STXBP6: variants seen among roughly 807,000 people sequenced by gnomAD.
STXBP6 encodes the protein syntaxin binding protein 6.
STXBP6 carries 21 observed loss-of-function variants against 26.9 expected under a neutral mutation model. The observed-to-expected ratio is 0.78, with a 90% CI of 0.55 to 1.12. The LOEUF (loss-of-function observed/expected upper bound fraction) is 1.12. Among genes scored for constraint, STXBP6 ranks in the 50% most tolerant of loss-of-function variants. STXBP6 has a pLI of 0.00. For synonymous variants in STXBP6, 97 were observed against 92.6 expected, an observed-to-expected ratio of 1.05 and a Z score of -0.27; for missense variants, 232 against 257.9, an observed-to-expected ratio of 0.90 and a Z score of 0.69.
At chr14:24,868,290 A>G (rs2139305691) in intron 2 of STXBP6, among the ~76,000 whole-genome samples, 1 of 152,296 alleles carries the variant, frequency 6.6e-6, no homozygotes. Context: ...AATAAGCAAA[A>G]GATTTAACAC....
At chr14:24,944,157 T>A (rs941688183) in intron 2 of STXBP6, among the ~76,000 whole-genome samples, 1 of 152,082 alleles carries the variant, frequency 6.6e-6, no homozygotes, top group African/African-American at 2.4e-5. Flanking sequence ...GAAAACAGGT[T>A]GACAATTCAT....
chr14:24,893,887 T>G (rs2070879884), intron 2 of STXBP6, among the ~76,000 whole-genome samples: 1 of 152,188 alleles, frequency 6.6e-6, no homozygotes, highest in Admixed American at 6.5e-5. Context: ...ATTCCTCTTT[T>G]GGGTTAGTGG....
chr14:24,915,483 G>C (rs913805596), intron 2 of STXBP6, among the ~76,000 whole-genome samples: 1 of 152,040 alleles, frequency 6.6e-6, no homozygotes, highest in Non-Finnish European at 1.5e-5. Context: ...ATAAGATACT[G>C]GTTCTTACTT....
intron 4 of STXBP6, among the ~76,000 whole-genome samples, chr14:24,823,765 T>C (rs974417616): frequency 2.0e-5 from 3 of 152,148 alleles, no homozygotes; most frequent in Admixed American, 6.5e-5. Context: ...ACCCCACTTA[T>C]CTAAACTAAC....
At chr14:24,955,823 T>C (rs1288982923) in intron 2 of STXBP6, among the ~76,000 whole-genome samples, 1 of 152,176 alleles carries the variant, frequency 6.6e-6, no homozygotes, top group African/African-American at 2.4e-5. Flanking sequence ...TAGCACCTAC[T>C]GCGTGCCAGG....
At chr14:24,886,254 T>A (rs1032388119) in intron 2 of STXBP6, among the ~76,000 whole-genome samples, 2 of 152,170 alleles carry the variant, frequency 1.3e-5, no homozygotes, top group Non-Finnish European at 2.9e-5. Context: ...AAATATTACA[T>A]AGTGGTTAAA....
At chr14:24,872,416 A>T (rs1286889663) in intron 2 of STXBP6, among the ~76,000 whole-genome samples, 2 of 152,188 alleles carry the variant, frequency 1.3e-5, no homozygotes, top group East Asian at 3.9e-4. Context: ...CAGTGATAAC[A>T]TACAATGCTA....
At chr14:25,022,758 TGA>T (rs1210474325) in intron 1 of STXBP6, among the ~76,000 whole-genome samples, 2 of 152,236 alleles carry the variant, frequency 1.3e-5, no homozygotes, top group Admixed American at 1.3e-4. Flanking sequence ...CATCCAAGAC[TGA>T]GTCTTCACCT....
At chr14:24,838,789 A>G (rs1014955827) in intron 4 of STXBP6, among the ~76,000 whole-genome samples, 1 of 152,128 alleles carries the variant, frequency 6.6e-6, no homozygotes, top group South Asian at 2.1e-4. Flanking sequence ...GTTCTGAGGG[A>G]GAGTGAGCAA....
chr14:25,004,139 A>G (rs1422940789), intron 1 of STXBP6, among the ~76,000 whole-genome samples: 5 of 152,202 alleles, frequency 3.3e-5, no homozygotes, highest in Non-Finnish European at 7.3e-5. Context: ...CCAAAAAAGA[A>G]GAAGGCAGCT....
At chr14:25,048,933 A>C in intron 1 of STXBP6, 1 of 155,686 alleles carries the variant, frequency 6.4e-6, no homozygotes, top group Non-Finnish European at 1.4e-5. Flanking sequence ...AGAGGGTGGA[A>C]TGAGATGGAA....
chr14:24,960,579 C>T (rs571847802), intron 2 of STXBP6, among the ~76,000 whole-genome samples: 4 of 152,278 alleles, frequency 2.6e-5, no homozygotes, highest in South Asian at 2.1e-4. Context: ...CATTTAGAGA[C>T]TAGCTTTTTT....
At chr14:24,914,341 G>A (rs1279706740) in intron 2 of STXBP6, among the ~76,000 whole-genome samples, 5 of 152,060 alleles carry the variant, frequency 3.3e-5, no homozygotes, top group Non-Finnish European at 7.4e-5. Context: ...ACAAGATTGA[G>A]ATATGATATT....
chr14:24,986,218 G>A (rs766874521), intron 1 of STXBP6, among the ~76,000 whole-genome samples: 8 of 152,098 alleles, frequency 5.3e-5, no homozygotes, highest in Non-Finnish European at 1.2e-4. Flanking sequence ...CTTAACTCTT[G>A]GCTATCACCT....
chr14:25,037,441 T>G (rs1384942010), intron 1 of STXBP6, among the ~76,000 whole-genome samples: 1 of 152,244 alleles, frequency 6.6e-6, no homozygotes, highest in Admixed American at 6.5e-5. Context: ...ACTTTTCACC[T>G]GTATAATGAT....
At chr14:24,928,232 A>C (rs2072251019) in intron 2 of STXBP6, among the ~76,000 whole-genome samples, 1 of 152,168 alleles carries the variant, frequency 6.6e-6, no homozygotes, top group African/African-American at 2.4e-5. Flanking sequence ...TATACTGAGG[A>C]AGGGAGTTTG....
In STXBP6 at chr14:24,812,482, A is replaced by G. The variant is rs1004707572; in HGVS notation, c.*227T>C. 5.3e-6 allele frequency: 3 copies of G among 567,108 alleles called. No individual in the cohort carries two copies. In the African/African-American group the frequency reaches 5.6e-5, roughly 11 times the overall value. 35.1% of individuals were successfully genotyped at this position (567,108 alleles called of 1,614,324 possible). ...ACACAGTGGGAGGAGGCAAAAACCC[A>G]AAATGAAGCTGATGCTATTGTAGCA... On this transcript the variant is annotated 3_prime_UTR_variant, in exon 6 of 6. Transcript: ENST00000323944.
At chr14:25,004,640 T>C (rs1267421293) in intron 1 of STXBP6, among the ~76,000 whole-genome samples, 2 of 152,206 alleles carry the variant, frequency 1.3e-5, no homozygotes, top group African/African-American at 2.4e-5. Flanking sequence ...TCTGGTCAAC[T>C]AGGGTTGTTA....
rs545963964 is a variant in STXBP6, at chr14:24,937,313, A to G, written c.154+37352T>C. On this transcript the variant is annotated intron_variant, in intron 2 of 5. Coordinates refer to ENST00000323944, the MANE Select transcript of STXBP6 (RefSeq NM_001394410.1). ...TTAAAAAAAAGTAAAGAGACTACCA[A>G]TTAAACCACGACACACTTTTTAAAC... Among the ~76,000 whole-genome samples the G allele has an allele frequency of 3.3e-4, 51 of 152,358 alleles. 1 individual carries two copies. The highest frequency in any genetic ancestry group is 1.2e-3 in the South Asian group (6 of 4,828).
Sources: allele counts gnomAD v4.1 joint callset (sites outside exome capture counted in the v4.1 genomes callset), GRCh38; gene constraint gnomAD v4.1.1; transcripts MANE v1.5; gene names NCBI Gene and HGNC (gene_info 2026-07-23, HGNC 2026-07-21).